Variants in CUX2 observed in about 807,000 individuals in gnomAD.
The protein encoded by CUX2 is cut like homeobox 2.
A neutral mutation model predicts 144.8 loss-of-function variants in CUX2; 40 were observed. The ratio of observed to expected loss-of-function variants is 0.28; its 90% CI spans 0.21 to 0.36. CUX2 has a LOEUF of 0.36. Among genes scored for constraint, CUX2 ranks in the 10% least tolerant of loss-of-function variants. CUX2 has a pLI of 1.00. For missense variants in CUX2, 1,615 were observed against 1,994.0 expected (o/e 0.81, Z 3.62); for synonymous variants, 827 against 875.6 (o/e 0.94, Z 0.98).
chr12:111,086,876 G>A (rs899409950), intron 1 of CUX2, among the ~76,000 whole-genome samples: 5 of 152,078 alleles, frequency 3.3e-5, no homozygotes, highest in African/African-American at 1.2e-4. Flanking sequence ...AGGCTACCCT[G>A]TGCAACATAG....
intron 1 of CUX2, among the ~76,000 whole-genome samples, chr12:111,155,129 T>G (rs903703852): frequency 1.3e-5 from 2 of 152,100 alleles, no homozygotes; most frequent in Non-Finnish European, 2.9e-5. Context: ...TTAAGTTGAG[T>G]GATTAAAGAT....
At chr12:111,317,497 C>T (rs1414784739) in intron 16 of CUX2, among the ~76,000 whole-genome samples, 1 of 152,136 alleles carries the variant, frequency 6.6e-6, no homozygotes, top group Non-Finnish European at 1.5e-5. Context: ...CCTCTGGGAA[C>T]ATATTGCCCA....
At chr12:111,299,972 C>T (rs1012700532) in intron 9 of CUX2, among the ~76,000 whole-genome samples, 1 of 152,162 alleles carries the variant, frequency 6.6e-6, no homozygotes, top group East Asian at 1.9e-4. Flanking sequence ...TTGACTTCCC[C>T]GGCTCAGGTG....
chr12:111,212,599 C>T (rs1881294760), intron 1 of CUX2, among the ~76,000 whole-genome samples: 2 of 152,316 alleles, frequency 1.3e-5, no homozygotes, highest in South Asian at 4.1e-4. Flanking sequence ...AAACTCTTGG[C>T]CTCCCAAAGT....
chr12:111,134,626 G>GTGTGTGTGTT (rs1875740214), intron 1 of CUX2, among the ~76,000 whole-genome samples: 1 of 148,670 alleles, frequency 6.7e-6, no homozygotes, highest in African/African-American at 2.5e-5. Context: ...CTCTCTGTGT[G>GTGTGTGTGTT]TGTGTGTGTG....
chr12:111,256,532 C>A (rs1483162600), intron 3 of CUX2, among the ~76,000 whole-genome samples: 1 of 152,054 alleles, frequency 6.6e-6, no homozygotes, highest in Non-Finnish European at 1.5e-5. Context: ...AGCCCAGGAC[C>A]CAGTGGTAGA....
At chr12:111,262,251 G>A (rs578166222) in intron 3 of CUX2, among the ~76,000 whole-genome samples, 1 of 152,278 alleles carries the variant, frequency 6.6e-6, no homozygotes. Flanking sequence ...CACAGTGCTT[G>A]GTGCATAGCA....
At chr12:111,140,827 A>C (rs2136123003) in intron 1 of CUX2, among the ~76,000 whole-genome samples, 1 of 152,280 alleles carries the variant, frequency 6.6e-6, no homozygotes, top group South Asian at 2.1e-4. Context: ...CCCCTCTCTA[A>C]AGTGGCATCA....
chr12:111,179,880 C>T (rs907169836), intron 1 of CUX2, among the ~76,000 whole-genome samples: 7 of 152,174 alleles, frequency 4.6e-5, no homozygotes, highest in African/African-American at 9.7e-5. Context: ...GACAGGGTTT[C>T]GCCCTGTTGG....
At position 111,320,336 on chromosome 12, in the gene CUX2, A is replaced by C; in HGVS notation, c.2327A>C (p.Lys776Thr). 1 of 1,598,138 alleles carries C rather than the reference A, an allele frequency of 6.3e-7. No homozygotes were observed. Among genetic ancestry groups the C allele is most frequent in the Non-Finnish European group, 8.5e-7 (1 of 1,179,150 alleles). ...AFVQSIIRKVKSEIGDAGYFD... is the reference protein window; with the variant it reads ...AFVQSIIRKVTSEIGDAGYFD... ...GTGCAGAGCATCATCCGCAAGGTCA[A>C]GTCCGAGATCGGCGACGCCGGCTAC... The change falls in exon 17 of 22, where the codon AAG (lysine) becomes ACG (threonine). Residue 776 changes from lysine (K) to threonine (T), a missense_variant. Physicochemically the swap from Lys to Thr is moderately conservative, Grantham distance 78. Coordinates refer to ENST00000261726, the MANE Select transcript of CUX2 (RefSeq NM_015267.4). This position sits in a 1 kb window ranked among gnomAD's most constrained non-coding sequence, Gnocchi z 8.1.
intron 1 of CUX2, among the ~76,000 whole-genome samples, chr12:111,152,577 G>T (rs1035471397): frequency 6.6e-6 from 1 of 152,190 alleles, no homozygotes; most frequent in African/African-American, 2.4e-5. Flanking sequence ...ACATATACAC[G>T]ATGCAGGCCA....
Position 111,061,421 on chromosome 12 carries a change from G to A in CUX2, c.63+27181G>A, listed in dbSNP as rs556189207. Among the ~76,000 whole-genome samples, 11 of 152,250 alleles carry A rather than the reference G, an allele frequency of 7.2e-5. No individual in the cohort carries two copies. In the East Asian group the frequency reaches 9.7e-4, roughly 13 times the overall value. On this transcript the variant is annotated intron_variant, in intron 1 of 21. Coordinates refer to ENST00000261726, the MANE Select transcript of CUX2 (RefSeq NM_015267.4). This position sits in a 1 kb window ranked among gnomAD's most constrained non-coding sequence, Gnocchi z 4.2. ...TAGAAGGGTTTTCGGGGAATCCCAC[G>A]ACTGCAAGTGAAAGAAGGGCTTTTT...
chr12:111,082,588 G>GA (rs1871962586), intron 1 of CUX2, among the ~76,000 whole-genome samples: 1 of 152,204 alleles, frequency 6.6e-6, no homozygotes, highest in South Asian at 2.1e-4. Context: ...AGGGACAGAG[G>GA]AAAGAGAGTG....
chr12:111,321,147 C>T (rs1425750288), intron 17 of CUX2, among the ~76,000 whole-genome samples: 4 of 152,056 alleles, frequency 2.6e-5, no homozygotes, highest in Non-Finnish European at 4.4e-5. Flanking sequence ...GCCTGGCCAA[C>T]GTGGTGAAAC....
chr12:111,242,570 T>A (rs778648678), intron 3 of CUX2, among the ~76,000 whole-genome samples: 1 of 152,158 alleles, frequency 6.6e-6, no homozygotes, highest in Non-Finnish European at 1.5e-5. Context: ...TCCCAGCAGT[T>A]TGGGAGACCG....
At chr12:111,074,106 G>A (rs1871389683) in intron 1 of CUX2, among the ~76,000 whole-genome samples, 1 of 150,334 alleles carries the variant, frequency 6.7e-6, no homozygotes, top group African/African-American at 2.5e-5. Context: ...GAAATGAAAT[G>A]TGTCTGGGTG....
At chr12:111,308,194 A>G (rs1303169238) in intron 12 of CUX2, 91 bp from the exon 13 acceptor site, 1 of 1,392,498 alleles carries the variant, frequency 7.2e-7, no homozygotes, top group African/African-American at 1.4e-5. Flanking sequence ...AGTCATTGTC[A>G]GGGAGGTAAG....
At chr12:111,303,026 A>G (rs1041273329) in intron 9 of CUX2, among the ~76,000 whole-genome samples, 1 of 151,870 alleles carries the variant, frequency 6.6e-6, no homozygotes, top group African/African-American at 2.4e-5. Context: ...GTTCAAGACC[A>G]GCCTAGCCAA....
intron 3 of CUX2, among the ~76,000 whole-genome samples, chr12:111,231,655 G>A (rs1882467190): frequency 6.6e-6 from 1 of 152,038 alleles, no homozygotes; most frequent in African/African-American, 2.4e-5. Context: ...TGGGTTCCAT[G>A]AACTCAACCA....
Sources: allele counts gnomAD v4.1 joint callset (sites outside exome capture counted in the v4.1 genomes callset), GRCh38; gene constraint gnomAD v4.1.1; non-coding constraint Gnocchi (gnomAD v3.1); transcripts MANE v1.5; gene names NCBI Gene and HGNC (gene_info 2026-07-23, HGNC 2026-07-21).